PRKCE: variants seen among roughly 807,000 people sequenced by gnomAD.
PRKCE encodes the protein protein kinase C epsilon type.
PRKCE carries 16 observed loss-of-function variants against 85.4 expected under a neutral mutation model. The observed-to-expected ratio is 0.19, with a 90% CI of 0.13 to 0.28. The LOEUF is 0.28. PRKCE is among the 10% of genes least tolerant of loss of function. The pLI, the probability that PRKCE is intolerant of heterozygous loss-of-function variation, is 1.00. For synonymous variants in PRKCE, 388 were observed against 371.5 expected, an observed-to-expected ratio of 1.04 and a Z score of -0.51; for missense variants, 573 against 975.2, an observed-to-expected ratio of 0.59 and a Z score of 5.49.
chr2:45,832,519 G>A (rs1178785426), intron 1 of PRKCE, among the ~76,000 whole-genome samples: 1 of 152,046 alleles, frequency 6.6e-6, no homozygotes, highest in Non-Finnish European at 1.5e-5. Flanking sequence ...CGCCATATTG[G>A]CCAAGCTGGT....
intron 2 of PRKCE, among the ~76,000 whole-genome samples, chr2:45,917,858 G>C (rs1031624348): frequency 6.6e-6 from 1 of 152,184 alleles, no homozygotes; most frequent in African/African-American, 2.4e-5. Context: ...CGAGCGCAGC[G>C]CCCGTGGGCC....
intron 10 of PRKCE, among the ~76,000 whole-genome samples, chr2:46,051,595 A>G (rs776850337): frequency 3.3e-5 from 5 of 152,172 alleles, no homozygotes; most frequent in Non-Finnish European, 7.4e-5. Flanking sequence ...GGCATGCTGC[A>G]TCTCAGTTGT....
intron 1 of PRKCE, among the ~76,000 whole-genome samples, chr2:45,730,409 T>A (rs1681465613): frequency 6.7e-6 from 1 of 149,606 alleles, no homozygotes. Flanking sequence ...CCTCCTACCT[T>A]GGCCTCCCAA....
chr2:45,728,810 T>C (rs1300455897), intron 1 of PRKCE, among the ~76,000 whole-genome samples: 1 of 152,186 alleles, frequency 6.6e-6, no homozygotes, highest in East Asian at 1.9e-4. Flanking sequence ...ATAACAACTG[T>C]ATGAGGAAGG....
intron 2 of PRKCE, chr2:45,845,465 T>C (rs569143741): frequency 2.8e-4 from 42 of 151,462 alleles, no homozygotes; most frequent in African/African-American, 9.2e-4. Context: ...GTTTCACCAC[T>C]CCATTATTCT....
At chr2:45,902,339 C>T (rs1696641374) in intron 2 of PRKCE, among the ~76,000 whole-genome samples, 1 of 152,184 alleles carries the variant, frequency 6.6e-6, no homozygotes, top group South Asian at 2.1e-4. Flanking sequence ...CCTATAAGCT[C>T]TTACCAAAAG....
intron 1 of PRKCE, among the ~76,000 whole-genome samples, chr2:45,682,852 T>G (rs753614776): frequency 4.6e-5 from 7 of 152,124 alleles, no homozygotes; most frequent in Non-Finnish European, 8.8e-5. Flanking sequence ...AGATTATAGG[T>G]GTGAGCCGCC....
intron 11 of PRKCE, among the ~76,000 whole-genome samples, chr2:46,099,632 T>C (rs1671024563): frequency 6.6e-6 from 1 of 152,196 alleles, no homozygotes. Context: ...TGCTACCTTA[T>C]ATTCTAGCAC....
chr2:46,127,505 T>G (rs1296458026), intron 11 of PRKCE, among the ~76,000 whole-genome samples: 1 of 152,242 alleles, frequency 6.6e-6, no homozygotes, highest in Non-Finnish European at 1.5e-5. Context: ...CCACTGCATT[T>G]GTAATGCTGG....
At position 46,172,438 on chromosome 2, in the gene PRKCE, G is replaced by A. The variant is rs566211681; in HGVS notation, c.2068-12297G>A. ...TTTGTTACCAAATTTCAGAATCAACGTGTCACAGCCAAAGGAGTGTATAGG... is the reference window on the plus strand; with the variant it reads ...TTTGTTACCAAATTTCAGAATCAACATGTCACAGCCAAAGGAGTGTATAGG... On this transcript the variant is annotated intron_variant, in intron 14 of 14. Coordinates refer to ENST00000306156, the MANE Select transcript of PRKCE (RefSeq NM_005400.3). Among the ~76,000 whole-genome samples, 10 of 152,302 alleles carry A rather than the reference G, an allele frequency of 6.6e-5. No individual in the cohort carries two copies. In the East Asian group the frequency reaches 7.7e-4, roughly 12 times the overall value.
At chr2:45,851,566 T>C (rs1421954799) in intron 2 of PRKCE, 1 of 152,228 alleles carries the variant, frequency 6.6e-6, no homozygotes, top group Non-Finnish European at 1.5e-5. Flanking sequence ...AGACATTTCT[T>C]GTCAAGCTTA....
chr2:46,040,113 T>G (rs1708131667), intron 10 of PRKCE, among the ~76,000 whole-genome samples: 2 of 152,232 alleles, frequency 1.3e-5, no homozygotes, highest in African/African-American at 4.8e-5. Context: ...CAGGGCCTGT[T>G]TGCCTCTCTG....
At chr2:45,797,406 G>T (rs1573394877) in intron 1 of PRKCE, among the ~76,000 whole-genome samples, 1 of 152,204 alleles carries the variant, frequency 6.6e-6, no homozygotes, top group African/African-American at 2.4e-5. Context: ...AACAATCTCA[G>T]TTTACACCTG....
At chr2:45,950,930 C>G (rs1327794293) in intron 2 of PRKCE, among the ~76,000 whole-genome samples, 1 of 152,158 alleles carries the variant, frequency 6.6e-6, no homozygotes, top group African/African-American at 2.4e-5. Context: ...TTTGACTTAT[C>G]TCTGCCCACT....
At chr2:45,705,067 C>G (rs879784300) in intron 1 of PRKCE, among the ~76,000 whole-genome samples, 1 of 152,220 alleles carries the variant, frequency 6.6e-6, no homozygotes, top group South Asian at 2.1e-4. Context: ...AAGTTTAAAA[C>G]TTACAAATGC....
chr2:45,971,864 A>T (rs918075066), intron 2 of PRKCE, among the ~76,000 whole-genome samples: 1 of 152,180 alleles, frequency 6.6e-6, no homozygotes, highest in African/African-American at 2.4e-5. Context: ...TCATCCATAG[A>T]TGGACATTTA....
chr2:45,972,116 G>T (rs1052958467), intron 2 of PRKCE, among the ~76,000 whole-genome samples: 2 of 152,092 alleles, frequency 1.3e-5, no homozygotes, highest in Non-Finnish European at 1.5e-5. Flanking sequence ...CCACATCCTC[G>T]CTAAAACTTA....
chr2:45,832,084 A>C (rs1438501811), intron 1 of PRKCE, among the ~76,000 whole-genome samples: 1 of 152,206 alleles, frequency 6.6e-6, no homozygotes, highest in African/African-American at 2.4e-5. Flanking sequence ...GGTTCCAACT[A>C]AACAATGAAA....
chr2:45,870,863 G>A (rs1025198902), intron 2 of PRKCE, among the ~76,000 whole-genome samples: 3 of 152,184 alleles, frequency 2.0e-5, no homozygotes, highest in African/African-American at 4.8e-5. Context: ...CATAGTGAGC[G>A]CTTGGTGATG....
Sources: gnomAD v4.1 joint callset for allele counts (sites outside exome capture counted in the v4.1 genomes callset) on GRCh38, gnomAD v4.1.1 for gene constraint, MANE v1.5 for transcripts, NCBI Gene and HGNC (gene_info 2026-07-23, HGNC 2026-07-21) for gene names.